Variants in SMOC2 observed in about 807,000 individuals in gnomAD.
SMOC2 encodes SPARC related modular calcium binding 2.
In SMOC2, 39 loss-of-function variants were observed where a neutral mutation model predicts 61.4. The ratio of observed to expected loss-of-function variants is 0.64; its 90% CI spans 0.49 to 0.83. The LOEUF is 0.83. Ranked by LOEUF, SMOC2 falls within the 40% of genes least tolerant of loss-of-function variation. The probability of loss-of-function intolerance (pLI) is 0.00; values close to 1 mark genes in which losing one functional copy is unlikely to be tolerated. For synonymous variants in SMOC2, 247 were observed against 239.9 expected (o/e 1.03, Z -0.27); for missense variants, 556 against 592.9 (o/e 0.94, Z 0.65).
chr6:168,618,405 A>G (rs11962753), intron 9 of SMOC2, among the ~76,000 whole-genome samples: 9,170 of 60,652 alleles, frequency 0.15, 357 homozygotes, highest in South Asian at 0.19. Flanking sequence ...GAGTGGAGGA[A>G]AGGCGGGTAG....
intron 1 of SMOC2, among the ~76,000 whole-genome samples, chr6:168,506,900 G>T (rs1044033425): frequency 3.3e-5 from 5 of 152,156 alleles, no homozygotes; most frequent in Admixed American, 3.3e-4. Context: ...TCTTGAATGG[G>T]CTGTTTATTA....
chr6:168,650,301 A>C (rs1206682724), intron 9 of SMOC2, among the ~76,000 whole-genome samples: 1 of 151,982 alleles, frequency 6.6e-6, no homozygotes, highest in African/African-American at 2.4e-5. Context: ...CCTGGCCTCG[A>C]TTGCTGGGAT....
chr6:168,628,706 T>C (rs1484932462), intron 9 of SMOC2, among the ~76,000 whole-genome samples: 1 of 152,250 alleles, frequency 6.6e-6, no homozygotes, highest in Non-Finnish European at 1.5e-5. Context: ...ATTACTAAAC[T>C]GTGCGTGGTA....
Position 168,652,872 on chromosome 6 carries a change from T to C in SMOC2, c.1011-82T>C, listed in dbSNP as rs544342668. The C allele has an allele frequency of 2.9e-6, 4 of 1,363,208 alleles. No homozygotes were observed. The Admixed American group carries it at 8.1e-5, about 28-fold the overall frequency. 84.4% of individuals were successfully genotyped at this position (1,363,208 alleles called of 1,614,324 possible). On this transcript the variant is annotated intron_variant, in intron 10 of 12. Transcript: ENST00000356284. ...GACCATGAGAACTACAAGCAGGGGT[T>C]ATGGGTTTGAGGGAAGGACAGTGGC...
intron 7 of SMOC2, among the ~76,000 whole-genome samples, chr6:168,552,011 G>A (rs2144749): frequency 0.72 from 108,947 of 152,086 alleles, 40,726 homozygotes; most frequent in East Asian, 1. Flanking sequence ...CTATAATTTG[G>A]TTTAAGTCAG....
intron 9 of SMOC2, among the ~76,000 whole-genome samples, chr6:168,632,334 C>T (rs1236520522): frequency 1.3e-5 from 2 of 152,198 alleles, no homozygotes; most frequent in Non-Finnish European, 1.5e-5. Flanking sequence ...TGCCAAGAAT[C>T]AACAACTTTG....
chr6:168,607,258 T>C (rs1237521310), intron 8 of SMOC2, among the ~76,000 whole-genome samples: 1 of 152,060 alleles, frequency 6.6e-6, no homozygotes, highest in Non-Finnish European at 1.5e-5. Context: ...CTCTACTGGA[T>C]GAGGCTGGTG....
intron 11 of SMOC2, among the ~76,000 whole-genome samples, chr6:168,660,399 T>TA: frequency 6.6e-6 from 1 of 152,216 alleles, no homozygotes; most frequent in East Asian, 1.9e-4. Context: ...TGTTGAAGGA[T>TA]ACATGGAGTT....
Position 168,453,854 on chromosome 6 carries a change from C to G in SMOC2, c.84+12400C>G, listed in dbSNP as rs927821628. 2.4e-4 allele frequency among the ~76,000 whole-genome samples: 37 copies of G among 151,612 alleles called. No individual in the cohort carries two copies. The highest frequency in any genetic ancestry group is 8.0e-4 in the African/African-American group (33 of 41,236). ...TCTCTCTGTTTGTCTCTCATTCTTT[C>G]TCTGGATCTCTGCCATTCTCCATCT... On this transcript the variant is annotated intron_variant, in intron 1 of 12. Coordinates refer to ENST00000356284, the MANE Select transcript of SMOC2 (RefSeq NM_001166412.2). The surrounding 1 kb of genome is among the most constrained non-coding windows in gnomAD (Gnocchi z 4.4).
chr6:168,587,040 C>T (rs1457898732), intron 7 of SMOC2, among the ~76,000 whole-genome samples: 1 of 151,748 alleles, frequency 6.6e-6, no homozygotes, highest in Non-Finnish European at 1.5e-5. Flanking sequence ...TATTGAAGTA[C>T]TTAATCTTAA....
chr6:168,570,624 T>G (rs1330679902), intron 7 of SMOC2, among the ~76,000 whole-genome samples: 1 of 152,194 alleles, frequency 6.6e-6, no homozygotes, highest in Non-Finnish European at 1.5e-5. Context: ...GTTGGAAGCA[T>G]CTACAATGGG....
At chr6:168,592,604 G>A (rs1408096140) in intron 7 of SMOC2, among the ~76,000 whole-genome samples, 4 of 139,532 alleles carry the variant, frequency 2.9e-5, no homozygotes, top group African/African-American at 1.1e-4. Context: ...GGATCGCGGA[G>A]CTCCTCCTCC....
intron 7 of SMOC2, among the ~76,000 whole-genome samples, chr6:168,562,222 G>A (rs369918442): frequency 5.3e-3 from 324 of 60,748 alleles, no homozygotes; most frequent in East Asian, 0.021. Context: ...CCTGAGACAC[G>A]AGGCTCTCAC....
chr6:168,535,934 G>C lies in SMOC2; in HGVS notation c.464-7691G>C, dbSNP rs575856476. ...GCAGTGACAGGGATCCTGGGGACAC[G>C]TGAGGAATAACGCAGCAGCCATGCA... On this transcript the variant is annotated intron_variant, in intron 4 of 12. Coordinates refer to ENST00000356284, the MANE Select transcript of SMOC2 (RefSeq NM_001166412.2). This position sits in a 1 kb window ranked among gnomAD's most constrained non-coding sequence, Gnocchi z 4.6. 6.6e-6 allele frequency among the ~76,000 whole-genome samples: 1 copy of C among 152,234 alleles called. No homozygotes were observed. Among genetic ancestry groups the C allele is most frequent in the Non-Finnish European group, 1.5e-5 (1 of 68,036 alleles).
At chr6:168,462,398 C>T (rs538888220) in intron 1 of SMOC2, among the ~76,000 whole-genome samples, 9 of 152,298 alleles carry the variant, frequency 5.9e-5, no homozygotes, top group South Asian at 2.1e-4. Flanking sequence ...TATCGTTTCC[C>T]GGCATCCTGC....
intron 9 of SMOC2, among the ~76,000 whole-genome samples, chr6:168,617,113 T>G (rs551135073): frequency 2.6e-5 from 4 of 152,212 alleles, no homozygotes; most frequent in South Asian, 2.1e-4. Context: ...TTTATTACAA[T>G]ATTTCTTTTG....
intron 9 of SMOC2, among the ~76,000 whole-genome samples, chr6:168,629,640 A>G (rs78805554): frequency 0.024 from 3,663 of 152,288 alleles, 280 homozygotes; most frequent in Admixed American, 0.16. Flanking sequence ...CCTCAAGTAC[A>G]GCCTGGGGAA....
At chr6:168,615,551 C>T (rs1203359913) in intron 9 of SMOC2, among the ~76,000 whole-genome samples, 1 of 113,940 alleles carries the variant, frequency 8.8e-6, no homozygotes, top group Non-Finnish European at 1.9e-5. Flanking sequence ...GGCACAGGGC[C>T]TCTTTACATC....
chr6:168,454,720 A>G (rs1781543223), intron 1 of SMOC2, among the ~76,000 whole-genome samples: 1 of 152,218 alleles, frequency 6.6e-6, no homozygotes, highest in South Asian at 2.1e-4. Flanking sequence ...TGTGAAAAAA[A>G]TCATACCACA....
Sources: gnomAD v4.1 joint callset for allele counts (sites outside exome capture counted in the v4.1 genomes callset) on GRCh38, gnomAD v4.1.1 for gene constraint, Gnocchi (gnomAD v3.1) non-coding constraint, MANE v1.5 for transcripts, NCBI Gene and HGNC (gene_info 2026-07-23, HGNC 2026-07-21) for gene names.